Variants in BBX observed in about 807,000 individuals in gnomAD.
BBX encodes BBX high mobility group box domain containing, also known as HMG box transcription factor BBX.
In BBX, 30 loss-of-function variants were observed where a neutral mutation model predicts 100.2. The observed-to-expected ratio is 0.30, with a 90% confidence interval of 0.22 to 0.41. BBX has a LOEUF of 0.41. Among genes scored for constraint, BBX ranks in the 10% least tolerant of loss-of-function variants. The probability of loss-of-function intolerance (pLI) is 1.00; values close to 1 mark genes in which losing one functional copy is unlikely to be tolerated. For synonymous variants in BBX, 376 were observed against 388.1 expected (o/e 0.97, Z 0.37); for missense variants, 1,023 against 1,129.8 (o/e 0.91, Z 1.35).
chr3:107,551,741 C>G (rs2049700129), intron 2 of BBX, among the ~76,000 whole-genome samples: 1 of 152,174 alleles, frequency 6.6e-6, no homozygotes, highest in Non-Finnish European at 1.5e-5. Context: ...AAGAGCCTGC[C>G]CTGGAATGAT....
In BBX at chr3:107,806,101, T is replaced by C. The variant is rs1461444639; in HGVS notation, c.*644T>C. The C allele has an allele frequency of 1.5e-5, 2 of 135,792 alleles. No homozygotes were observed. Among genetic ancestry groups the C allele is most frequent in the East Asian group, 4.2e-4 (2 of 4,708 alleles). 8.4% of individuals were successfully genotyped at this position (135,792 alleles called of 1,614,324 possible). ...TGCACTTTTATATTTGCCACCAGAA[T>C]GGTAGTTTGCTGGCAAAAAAAAAAA... On this transcript the variant is annotated 3_prime_UTR_variant, in exon 18 of 18. Transcript: ENST00000325805.
At chr3:107,682,702 A>G (rs974277489) in intron 3 of BBX, among the ~76,000 whole-genome samples, 13 of 152,164 alleles carry the variant, frequency 8.5e-5, no homozygotes, top group African/African-American at 3.1e-4. Context: ...AGTCAAGTAA[A>G]TGCTTCACTT....
At chr3:107,559,804 A>G (rs1339519324) in intron 2 of BBX, among the ~76,000 whole-genome samples, 1 of 152,142 alleles carries the variant, frequency 6.6e-6, no homozygotes, top group Non-Finnish European at 1.5e-5. Flanking sequence ...GTGAAGTGGT[A>G]TGATCTCAGC....
intron 2 of BBX, among the ~76,000 whole-genome samples, chr3:107,580,636 T>C (rs1455192175): frequency 1.3e-5 from 2 of 152,194 alleles, no homozygotes; most frequent in African/African-American, 2.4e-5. Context: ...CACTCAATTT[T>C]TTTTTTTAAT....
At chr3:107,801,001 G>A in intron 16 of BBX, 94 bp from the exon 17 acceptor site, 7 of 1,196,564 alleles carry the variant, frequency 5.9e-6, no homozygotes, top group Middle Eastern at 2.0e-4. Flanking sequence ...GAGAATGTTA[G>A]CTCTTTTCAT....
intron 9 of BBX, among the ~76,000 whole-genome samples, chr3:107,749,298 AGTT>A (rs932850474): frequency 9.2e-5 from 14 of 152,318 alleles, no homozygotes; most frequent in Non-Finnish European, 1.9e-4. Context: ...GCTTTTCTCC[AGTT>A]GTTGATGCCC....
intron 2 of BBX, among the ~76,000 whole-genome samples, chr3:107,639,919 A>G (rs2057089035): frequency 6.6e-6 from 1 of 152,200 alleles, no homozygotes; most frequent in Admixed American, 6.5e-5. Context: ...TCAGCACCCA[A>G]ATGCTGAGAA....
chr3:107,559,085 G>T (rs948436497), intron 2 of BBX, among the ~76,000 whole-genome samples: 1 of 152,208 alleles, frequency 6.6e-6, no homozygotes, highest in South Asian at 2.1e-4. Flanking sequence ...GTTTGGCTTC[G>T]ATTTGGCTTA....
intron 2 of BBX, among the ~76,000 whole-genome samples, chr3:107,589,947 C>T (rs185095175): frequency 1.9e-4 from 29 of 152,276 alleles, no homozygotes; most frequent in African/African-American, 6.7e-4. Context: ...TGCTTTCTAT[C>T]ATTTTGGGGT....
chr3:107,787,749 C>A (rs2068588901), intron 13 of BBX, among the ~76,000 whole-genome samples: 1 of 152,126 alleles, frequency 6.6e-6, no homozygotes. Context: ...ATAGAGTGGT[C>A]TGAAGATAGT....
At chr3:107,801,777 G>A (rs1318068664) in intron 17 of BBX, among the ~76,000 whole-genome samples, 1 of 152,108 alleles carries the variant, frequency 6.6e-6, no homozygotes, top group African/African-American at 2.4e-5. Flanking sequence ...GATGGTGTTG[G>A]TGCCATCACC....
intron 15 of BBX, among the ~76,000 whole-genome samples, chr3:107,794,972 C>T (rs976380505): frequency 2.6e-5 from 4 of 152,136 alleles, no homozygotes; most frequent in African/African-American, 9.7e-5. Context: ...TGATACGCAC[C>T]AAGTGTGTTA....
intron 13 of BBX, among the ~76,000 whole-genome samples, chr3:107,780,287 C>T (rs894288914): frequency 2.0e-5 from 3 of 152,128 alleles, no homozygotes; most frequent in African/African-American, 7.2e-5. Flanking sequence ...ATTATTCCTT[C>T]TTCCACTCCC....
rs1252153172 is a variant in BBX, at chr3:107,716,802, G to T, written c.358G>T (p.Val120Phe). Residue 120 changes from valine (V) to phenylalanine (F), a missense_variant, in exon 5 of 18, where the codon GTT becomes TTT. Coordinates refer to ENST00000325805, the MANE Select transcript of BBX (RefSeq NM_001142568.3). ...CAAGATACTAGCTGATTGGTGGGCTGTTCTTGATCCAAAGGAAAAGCAGAA... is the reference window on the plus strand; with the variant it reads ...CAAGATACTAGCTGATTGGTGGGCTTTTCTTGATCCAAAGGAAAAGCAGAA... ...ATKILADWWA[V>F]LDPKEKQKYT... 1 of 1,613,542 alleles carries T rather than the reference G, an allele frequency of 6.2e-7. No individual in the cohort carries two copies. Among genetic ancestry groups the T allele is most frequent in the South Asian group, 1.1e-5 (1 of 91,076 alleles).
chr3:107,592,893 C>T (rs76878306), intron 2 of BBX, among the ~76,000 whole-genome samples: 4,180 of 152,144 alleles, frequency 0.027, 91 homozygotes, highest in Non-Finnish European at 0.04. Flanking sequence ...GTCAAATGCT[C>T]GTTTAGCACT....
At chr3:107,658,876 A>G (rs1188679349) in intron 3 of BBX, among the ~76,000 whole-genome samples, 8 of 152,128 alleles carry the variant, frequency 5.3e-5, no homozygotes, top group Non-Finnish European at 1.0e-4. Flanking sequence ...CCTGAGATTC[A>G]AATCCAGCTC....
intron 5 of BBX, among the ~76,000 whole-genome samples, chr3:107,721,420 C>A (rs1270164501): frequency 1.3e-5 from 2 of 151,814 alleles, no homozygotes; most frequent in Non-Finnish European, 2.9e-5. Flanking sequence ...TAGCACTTGC[C>A]ATTTCTCTCC....
intron 2 of BBX, among the ~76,000 whole-genome samples, chr3:107,550,289 T>A (rs72939491): frequency 0.048 from 7,317 of 152,136 alleles, 562 homozygotes; most frequent in African/African-American, 0.16. Context: ...GACTCTTGGA[T>A]AAAGTGATTA....
intron 2 of BBX, among the ~76,000 whole-genome samples, chr3:107,627,524 T>G (rs1267341322): frequency 6.6e-6 from 1 of 152,212 alleles, no homozygotes; most frequent in Admixed American, 6.5e-5. Context: ...AGCTACAATT[T>G]TGACCCACAG....
Sources: allele counts gnomAD v4.1 joint callset (sites outside exome capture counted in the v4.1 genomes callset), GRCh38; gene constraint gnomAD v4.1.1; transcripts MANE v1.5; gene names NCBI Gene and HGNC (gene_info 2026-07-23, HGNC 2026-07-21).